Variants in ZSCAN2 observed in about 807,000 individuals in gnomAD.
The protein encoded by ZSCAN2 is zinc finger and SCAN domain containing 2.
A neutral mutation model predicts 47.8 loss-of-function variants in ZSCAN2; 26 were observed. That is an observed-to-expected ratio of 0.54 (90% CI 0.40 to 0.75). The LOEUF is 0.75. Among genes scored for constraint, ZSCAN2 ranks in the 30% least tolerant of loss-of-function variants. ZSCAN2 has a pLI of 0.00. For missense variants in ZSCAN2, 732 were observed against 785.4 expected (o/e 0.93, Z 0.81); for synonymous variants, 305 against 288.7 (o/e 1.06, Z -0.57).
chr15:84,617,435 A>C (rs1007052252), intron 2 of ZSCAN2, among the ~76,000 whole-genome samples: 1 of 152,122 alleles, frequency 6.6e-6, no homozygotes, highest in Non-Finnish European at 1.5e-5. Context: ...GACTCCAAAA[A>C]AAAAAAGACT....
Position 84,621,130 on chromosome 15 carries a change from G to T in ZSCAN2, c.935G>T (p.Gly312Val). 6.2e-7 allele frequency: 1 copy of T among 1,614,082 alleles called. No individual in the cohort carries two copies. Among genetic ancestry groups the T allele is most frequent in the Non-Finnish European group, 8.5e-7 (1 of 1,180,000 alleles). ...AAGCCCTTCCAGTGTGCCGAGTGTG[G>T]CAAGAGCTTCAGCAGGAGTCCCAAC... ...GEKPFQCAECGKSFSRSPNLI... is the reference protein window; with the variant it reads ...GEKPFQCAECVKSFSRSPNLI... Residue 312 changes from glycine (G) to valine (V), a missense_variant, in exon 3 of 3, where the codon GGC becomes GTC. Physicochemically the swap from Gly to Val is moderately radical, Grantham distance 109. Transcript: ENST00000546148. The surrounding 1 kb of genome is among the most constrained non-coding windows in gnomAD (Gnocchi z 5.7).
intron 2 of ZSCAN2, among the ~76,000 whole-genome samples, chr15:84,609,417 G>C (rs1351842431): frequency 1.3e-5 from 2 of 151,848 alleles, no homozygotes; most frequent in African/African-American, 4.8e-5. Flanking sequence ...CGAACTCTTG[G>C]CCTCAAGTGG....
chr15:84,607,082 A>C (rs561362973), intron 2 of ZSCAN2, among the ~76,000 whole-genome samples: 2 of 152,100 alleles, frequency 1.3e-5, no homozygotes, highest in African/African-American at 4.8e-5. Context: ...TCAAAATTCA[A>C]GTACCTTCTA....
chr15:84,605,989 A>C (rs1001142867), intron 2 of ZSCAN2, among the ~76,000 whole-genome samples: 1 of 152,214 alleles, frequency 6.6e-6, no homozygotes, highest in Admixed American at 6.5e-5. Flanking sequence ...ATTTGAACTT[A>C]TGTGTGTGAG....
At position 84,621,976 on chromosome 15, in the gene ZSCAN2, G is replaced by T. The variant is rs142916137; in HGVS notation, c.1781G>T (p.Gly594Val). Reference sequence around the variant, plus strand: ...TACAAATGCCCCGAGTGTGGCAAAGGCTTCAGCAACAGCTCTAACTTTATC... The same window carrying T: ...TACAAATGCCCCGAGTGTGGCAAAGTCTTCAGCAACAGCTCTAACTTTATC... ...KPYKCPECGK[G>V]FSNSSNFITH... The change falls in exon 3 of 3, where the codon GGC becomes GTC. Residue 594 changes from glycine (G) to valine (V), a missense_variant. Transcript: ENST00000546148. This position sits in a 1 kb window ranked among gnomAD's most constrained non-coding sequence, Gnocchi z 5.7. The T allele has an allele frequency of 6.2e-7, 1 of 1,613,970 alleles. No individual in the cohort carries two copies. The highest frequency in any genetic ancestry group is 2.2e-5 in the East Asian group (1 of 44,880).
chr15:84,613,533 C>G (rs906289241), intron 2 of ZSCAN2, among the ~76,000 whole-genome samples: 1 of 152,126 alleles, frequency 6.6e-6, no homozygotes, highest in African/African-American at 2.4e-5. Flanking sequence ...GTCTAGAACT[C>G]CTGACCTCAG....
intron 2 of ZSCAN2, among the ~76,000 whole-genome samples, chr15:84,612,972 TG>T (rs894885874): frequency 6.6e-6 from 1 of 152,220 alleles, no homozygotes; most frequent in Non-Finnish European, 1.5e-5. Flanking sequence ...TTGGGTTTTT[TG>T]TTTTAACATT....
intron 1 of ZSCAN2, among the ~76,000 whole-genome samples, chr15:84,601,392 T>G (rs1895198476): frequency 6.6e-6 from 1 of 152,070 alleles, no homozygotes. Context: ...GAAGGGGCAT[T>G]CGACGACATC....
intron 1 of ZSCAN2, 134 bp from the exon 2 acceptor site, chr15:84,603,686 C>T: frequency 4.7e-6 from 2 of 426,472 alleles, no homozygotes; most frequent in South Asian, 4.1e-5. Flanking sequence ...GCCATTTTTT[C>T]TTTAAGAAGA....
rs1238189134 is a variant in ZSCAN2, at chr15:84,622,663, G to T, written c.*623G>T. 5 of 717,366 alleles carry T rather than the reference G, an allele frequency of 7.0e-6. No individual in the cohort carries two copies. Among genetic ancestry groups the T allele is most frequent in the Non-Finnish European group, 1.3e-5 (5 of 385,104 alleles). The allele number at this position is 717,366 out of a possible 1,614,324, so 44.4% of individuals were successfully genotyped here. On this transcript the variant is annotated 3_prime_UTR_variant, in exon 3 of 3. Coordinates refer to ENST00000546148, the MANE Select transcript of ZSCAN2 (RefSeq NM_181877.4). ...ATTTCCAGAAAGTGTCAGGAGCACA[G>T]AAACTTGAGGAAGTACAGCCTGGAG...
Position 84,621,874 on chromosome 15 carries a change from G to T in ZSCAN2, c.1679G>T (p.Cys560Phe). ...CATTTGGGAGACAAGCCCTACAGGTGCCCTGAGTGTGGGAAAGGCTTTAGC... is the reference window on the plus strand; with the variant it reads ...CATTTGGGAGACAAGCCCTACAGGTTCCCTGAGTGTGGGAAAGGCTTTAGC... ...RAHLGDKPYR[C>F]PECGKGFSWN... is the part of the protein sequence containing the mutation. Residue 560 changes from cysteine (C) to phenylalanine (F), a missense_variant, in exon 3 of 3, where the codon TGC becomes TTC. Around this residue, in one of 2 missense-constraint regions of ZSCAN2, gnomAD observed 412 missense variants for 498.0 expected, o/e 0.83. Coordinates refer to ENST00000546148, the MANE Select transcript of ZSCAN2 (RefSeq NM_181877.4). The surrounding 1 kb of genome is among the most constrained non-coding windows in gnomAD (Gnocchi z 5.7). 6.2e-7 allele frequency: 1 copy of T among 1,614,198 alleles called. No homozygotes were observed. Among genetic ancestry groups the T allele is most frequent in the Non-Finnish European group, 8.5e-7 (1 of 1,180,030 alleles).
At chr15:84,610,048 C>T (rs959830919) in intron 2 of ZSCAN2, among the ~76,000 whole-genome samples, 2 of 152,196 alleles carry the variant, frequency 1.3e-5, no homozygotes, top group Non-Finnish European at 2.9e-5. Flanking sequence ...GGCCAGAGCT[C>T]ACGTGGCAAG....
intron 1 of ZSCAN2, among the ~76,000 whole-genome samples, chr15:84,601,667 G>A (rs1418500644): frequency 6.6e-6 from 1 of 151,818 alleles, no homozygotes; most frequent in Non-Finnish European, 1.5e-5. Flanking sequence ...CATTGAGGGA[G>A]GGTTGTTAGT....
At chr15:84,605,374 G>T (rs887660676) in intron 2 of ZSCAN2, among the ~76,000 whole-genome samples, 2 of 152,182 alleles carry the variant, frequency 1.3e-5, no homozygotes, top group African/African-American at 2.4e-5. Context: ...AGAAGGGAGC[G>T]TGGAGAGGAA....
At position 84,620,992 on chromosome 15, in the gene ZSCAN2, G is replaced by C. The variant is rs376106151; in HGVS notation, c.797G>C (p.Ser266Thr). The C allele has an allele frequency of 7.4e-6, 12 of 1,613,600 alleles. No individual in the cohort carries two copies. The highest frequency in any genetic ancestry group is 1.3e-5 in the African/African-American group (1 of 74,776). The change falls in exon 3 of 3, where the codon AGT becomes ACT. Residue 266 changes from serine to threonine, a missense_variant. This residue lies in a region of ZSCAN2 where 412 missense variants were observed against 498.0 expected (regional missense o/e 0.83). Coordinates refer to ENST00000546148, the MANE Select transcript of ZSCAN2 (RefSeq NM_181877.4). ...GKSFSDGSNF[S>T]RHQTTHTGEK... ...AGCTTTAGTGATGGTTCAAATTTTA[G>C]TAGACACCAAACCACTCACACCGGG...
Position 84,622,357 on chromosome 15 carries a change from T to G in ZSCAN2, c.*317T>G. 1 of 573,582 alleles carries G rather than the reference T, an allele frequency of 1.7e-6. No individual in the cohort carries two copies. Among genetic ancestry groups the G allele is most frequent in the Non-Finnish European group, 3.1e-6 (1 of 317,732 alleles). 35.5% of individuals were successfully genotyped at this position (573,582 alleles called of 1,614,324 possible). On this transcript the variant is annotated 3_prime_UTR_variant, in exon 3 of 3. Coordinates refer to ENST00000546148, the MANE Select transcript of ZSCAN2 (RefSeq NM_181877.4). ...TCCTCTTTGGTAAAATGGGGGGAAATGTTTCTCCATGTGGAATGGAAGACA... is the reference window on the plus strand; with the variant it reads ...TCCTCTTTGGTAAAATGGGGGGAAAGGTTTCTCCATGTGGAATGGAAGACA...
chr15:84,622,622 G>A lies in ZSCAN2; in HGVS notation c.*582G>A, dbSNP rs1378688064. ...TCCAGTTCTGAGTCACCCACGTGAA[G>A]GTAAAGACCCTTTCTATTTCCAGAA... On this transcript the variant is annotated 3_prime_UTR_variant, in exon 3 of 3. Coordinates refer to ENST00000546148, the MANE Select transcript of ZSCAN2 (RefSeq NM_181877.4). 2.8e-5 allele frequency: 20 copies of A among 717,340 alleles called. No homozygotes were observed. The highest frequency in any genetic ancestry group is 8.0e-5 in the Admixed American group (4 of 49,998). The allele number at this position is 717,340 out of a possible 1,614,324, so 44.4% of individuals were successfully genotyped here.
chr15:84,621,818 G>A lies in ZSCAN2; in HGVS notation c.1623G>A (p.Arg541=), dbSNP rs145344358. The change falls in exon 3 of 3, where the codon CGG becomes CGA. Residue 541 remains arginine, a synonymous_variant. Coordinates refer to ENST00000546148, the MANE Select transcript of ZSCAN2 (RefSeq NM_181877.4). The surrounding 1 kb of genome is among the most constrained non-coding windows in gnomAD (Gnocchi z 5.7). ...TCATGTGCGGCAAGAGCTTCAGCCG[G>A]GGCTCCATTCTGGTCATGCACCAGA... is the stretch of plus-strand genomic sequence containing the variant. ...KCLMCGKSFS[R]GSILVMHQRA... is the part of the protein sequence containing the mutation. 2.5e-5 allele frequency: 41 copies of A among 1,614,160 alleles called. No individual in the cohort carries two copies. The South Asian group carries it at 4.0e-4, about 16-fold the overall frequency.
At chr15:84,604,578 T>C (rs1434293481) in intron 2 of ZSCAN2, among the ~76,000 whole-genome samples, 1 of 152,158 alleles carries the variant, frequency 6.6e-6, no homozygotes, top group African/African-American at 2.4e-5. Context: ...CAGTTTTTAC[T>C]TCTGTGTTTA....
Sources: allele counts gnomAD v4.1 joint callset (sites outside exome capture counted in the v4.1 genomes callset), GRCh38; gene constraint gnomAD v4.1.1; regional missense constraint gnomAD v4.1.1; non-coding constraint Gnocchi (gnomAD v3.1); transcripts MANE v1.5; gene names NCBI Gene and HGNC (gene_info 2026-07-23, HGNC 2026-07-21).